ANKS1B: variants seen among roughly 807,000 people sequenced by gnomAD.
ANKS1B encodes the protein ankyrin repeat and sterile alpha motif domain-containing protein 1B.
Under a neutral mutation model 148.3 loss-of-function variants are expected in ANKS1B, and 36 were observed. The ratio of observed to expected loss-of-function variants is 0.24; its 90% CI spans 0.19 to 0.32. The LOEUF is 0.32. Ranked by LOEUF, ANKS1B falls within the 10% of genes least tolerant of loss-of-function variation. ANKS1B has a pLI of 1.00. For synonymous variants in ANKS1B, 542 were observed against 560.8 expected, an observed-to-expected ratio of 0.97 and a Z score of 0.47; for missense variants, 1,157 against 1,542.6, an observed-to-expected ratio of 0.75 and a Z score of 4.19.
Position 99,202,437 on chromosome 12 carries a change from A to G in ANKS1B, c.2419+41905T>C, listed in dbSNP as rs958954968. Among the ~76,000 whole-genome samples the G allele has an allele frequency of 2.0e-5, 3 of 152,234 alleles. No individual in the cohort carries two copies. The East Asian group carries it at 5.8e-4, about 29-fold the overall frequency. ...GTCCTATCTCTCTGTTAAAAGAGAA[A>G]GTATATGTGGCTGAAATGATGGTTA... On this transcript the variant is annotated intron_variant, in intron 14 of 26. Coordinates refer to ENST00000683438, the MANE Select transcript of ANKS1B (RefSeq NM_001352186.2).
rs548969036 is a variant in ANKS1B, at chr12:99,660,569, G to A, written c.1129-5359C>T. Among the ~76,000 whole-genome samples, 9 of 151,798 alleles carry A rather than the reference G, an allele frequency of 5.9e-5. No individual in the cohort carries two copies. The East Asian group carries it at 1.7e-3, about 29-fold the overall frequency. ...GTAGAGATGGGGTTTCACCATGTTG[G>A]CCAAGCTGGTCTTGAACTCCTGACT... On this transcript the variant is annotated intron_variant, in intron 8 of 26. Transcript: ENST00000683438.
chr12:99,322,039 T>C (rs1227009270), intron 12 of ANKS1B, among the ~76,000 whole-genome samples: 4 of 152,136 alleles, frequency 2.6e-5, no homozygotes, highest in Non-Finnish European at 5.9e-5. Context: ...ATCATTCTAC[T>C]ATAAAGACAA....
At chr12:99,441,862 GA>G in intron 11 of ANKS1B, among the ~76,000 whole-genome samples, 1 of 152,050 alleles carries the variant, frequency 6.6e-6, no homozygotes, top group African/African-American at 2.4e-5. Context: ...AATATGCAGA[GA>G]AGGATTTATG....
intron 17 of ANKS1B, among the ~76,000 whole-genome samples, chr12:98,998,394 C>G (rs11109698): frequency 0.049 from 7,417 of 152,130 alleles, 376 homozygotes; most frequent in African/African-American, 0.12. Context: ...AACATGTAAA[C>G]CTGGATCAAA....
chr12:99,532,053 TTC>T (rs1195596714), intron 9 of ANKS1B, among the ~76,000 whole-genome samples: 1 of 152,178 alleles, frequency 6.6e-6, no homozygotes, highest in African/African-American at 2.4e-5. Context: ...GTTTTTTTTT[TTC>T]TTGCTGATTT....
chr12:99,148,541 A>C (rs2073930935), intron 15 of ANKS1B, among the ~76,000 whole-genome samples: 1 of 152,156 alleles, frequency 6.6e-6, no homozygotes, highest in Non-Finnish European at 1.5e-5. Flanking sequence ...AAGAACAATT[A>C]GTAGCTCTGC....
At chr12:99,282,427 T>C (rs1394136587) in intron 12 of ANKS1B, among the ~76,000 whole-genome samples, 1 of 152,148 alleles carries the variant, frequency 6.6e-6, no homozygotes, top group Non-Finnish European at 1.5e-5. Flanking sequence ...ATTTAAGAGT[T>C]GAAAAACCTT....
At chr12:99,806,034 T>G (rs1284379115) in intron 4 of ANKS1B, among the ~76,000 whole-genome samples, 3 of 152,228 alleles carry the variant, frequency 2.0e-5, no homozygotes, top group South Asian at 2.1e-4. Context: ...AAACACAAAG[T>G]ACATACTCAA....
intron 8 of ANKS1B, among the ~76,000 whole-genome samples, chr12:99,727,263 C>T (rs1007134609): frequency 3.3e-5 from 5 of 152,062 alleles, no homozygotes; most frequent in African/African-American, 1.2e-4. Context: ...CCCAAAACTC[C>T]TTAAACTGAT....
intron 8 of ANKS1B, among the ~76,000 whole-genome samples, chr12:99,670,744 T>C (rs373689232): frequency 1.3e-5 from 2 of 152,026 alleles, no homozygotes; most frequent in East Asian, 3.9e-4. Flanking sequence ...TCACAGAGTG[T>C]TTGCATTTGA....
chr12:99,158,211 T>C (rs912382637), intron 14 of ANKS1B, among the ~76,000 whole-genome samples: 2 of 152,198 alleles, frequency 1.3e-5, no homozygotes, highest in Admixed American at 1.3e-4. Flanking sequence ...TTAAATATAT[T>C]ACTCTCTTTA....
At chr12:99,713,457 T>C (rs1403034230) in intron 8 of ANKS1B, among the ~76,000 whole-genome samples, 4 of 152,190 alleles carry the variant, frequency 2.6e-5, no homozygotes, top group Admixed American at 1.3e-4. Flanking sequence ...CACATTTTAC[T>C]ATAAGAAACA....
chr12:99,954,837 A>G (rs1200964637), intron 1 of ANKS1B, among the ~76,000 whole-genome samples: 1 of 152,194 alleles, frequency 6.6e-6, no homozygotes, highest in Non-Finnish European at 1.5e-5. Context: ...CCAAATGTCA[A>G]TAGTACCAAG....
chr12:98,911,575 T>C (rs939180340), intron 17 of ANKS1B, among the ~76,000 whole-genome samples: 3 of 152,206 alleles, frequency 2.0e-5, no homozygotes, highest in Non-Finnish European at 4.4e-5. Flanking sequence ...AAACAGACCA[T>C]AGCAGATGAT....
At chr12:99,128,342 T>C (rs888733845) in intron 15 of ANKS1B, among the ~76,000 whole-genome samples, 1 of 152,216 alleles carries the variant, frequency 6.6e-6, no homozygotes, top group African/African-American at 2.4e-5. Flanking sequence ...GCCTGCCATA[T>C]GAAAAGACAG....
intron 17 of ANKS1B, among the ~76,000 whole-genome samples, chr12:98,984,571 A>G (rs2099922142): frequency 6.6e-6 from 1 of 152,218 alleles, no homozygotes; most frequent in Admixed American, 6.5e-5. Flanking sequence ...CATAACTGCA[A>G]GATGCAACTT....
At chr12:99,842,628 G>C (rs577364899) in intron 1 of ANKS1B, among the ~76,000 whole-genome samples, 1 of 152,088 alleles carries the variant, frequency 6.6e-6, no homozygotes, top group East Asian at 1.9e-4. Flanking sequence ...TTTCCTCTTG[G>C]TAATTTTCCA....
intron 19 of ANKS1B, among the ~76,000 whole-genome samples, chr12:98,827,736 G>A (rs2099261388): frequency 2.0e-5 from 3 of 152,166 alleles, no homozygotes; most frequent in Admixed American, 6.6e-5. Context: ...GCTATACTGC[G>A]GTTGACACAG....
chr12:99,838,238 G>T (rs113627438), intron 1 of ANKS1B, among the ~76,000 whole-genome samples: 1 of 152,118 alleles, frequency 6.6e-6, no homozygotes, highest in Non-Finnish European at 1.5e-5. Context: ...AAACATACAA[G>T]TGCAAGTATC....
Sources: allele counts gnomAD v4.1 joint callset (sites outside exome capture counted in the v4.1 genomes callset), GRCh38; gene constraint gnomAD v4.1.1; transcripts MANE v1.5; gene names NCBI Gene and HGNC (gene_info 2026-07-23, HGNC 2026-07-21).